The following UPF2 variants were observed in gnomAD, a reference collection of about 807,000 sequenced individuals.
The protein encoded by UPF2 is regulator of nonsense transcripts 2.
Under a neutral mutation model 141.4 loss-of-function variants are expected in UPF2, and 17 were observed. The observed-to-expected ratio is 0.12, with a 90% CI of 0.08 to 0.18. The LOEUF (loss-of-function observed/expected upper bound fraction) is 0.18, where lower values mean the gene tolerates loss of function less well. Ranked by LOEUF, UPF2 falls within the 10% of genes least tolerant of loss-of-function variation. The pLI, the probability that UPF2 is intolerant of heterozygous loss-of-function variation, is 1.00. For missense variants in UPF2, 1,152 were observed against 1,515.9 expected (o/e 0.76, Z 3.99); for synonymous variants, 540 against 498.0 (o/e 1.08, Z -1.12).
rs1290371770 is a variant in UPF2 at position 11,992,689 on chromosome 10, T to C, written c.1844+4983A>G. ...GCCAATCATAAATAGCCTAAATTAC[T>C]TTCATTAAAAGAAACATACTTTCAG... On this transcript the variant is annotated intron_variant, in intron 8 of 21. Coordinates refer to ENST00000357604, the MANE Select transcript of UPF2 (RefSeq NM_015542.4). The surrounding 1 kb of genome is among the most constrained non-coding windows in gnomAD (Gnocchi z 4.1). Among the ~76,000 whole-genome samples the C allele has an allele frequency of 6.6e-6, 1 of 152,118 alleles. No homozygotes were observed. Among genetic ancestry groups the C allele is most frequent in the African/African-American group, 2.4e-5 (1 of 41,434 alleles).
chr10:11,945,874 T>C (rs113907441), intron 16 of UPF2, among the ~76,000 whole-genome samples: 14 of 152,266 alleles, frequency 9.2e-5, no homozygotes, highest in African/African-American at 3.1e-4. Context: ...GAAATGGAAA[T>C]AGTTTCTCAT....
intron 21 of UPF2, among the ~76,000 whole-genome samples, chr10:11,926,329 G>C (rs568318753): frequency 1.3e-5 from 2 of 152,308 alleles, no homozygotes; most frequent in South Asian, 4.1e-4. Context: ...GAGTCACAGT[G>C]GGGTGGAAAG....
chr10:11,926,524 C>T (rs145979095), intron 21 of UPF2, among the ~76,000 whole-genome samples: 1 of 152,150 alleles, frequency 6.6e-6, no homozygotes, highest in African/African-American at 2.4e-5. Flanking sequence ...CCACAGTGAT[C>T]GCGGGAAGGG....
chr10:11,994,621 T>C (rs1467190477), intron 8 of UPF2, among the ~76,000 whole-genome samples: 1 of 152,144 alleles, frequency 6.6e-6, no homozygotes, highest in Admixed American at 6.5e-5. Context: ...ATCAAATATT[T>C]TAAGCTTGGA....
chr10:12,017,740 C>T (rs1588572146), intron 3 of UPF2, among the ~76,000 whole-genome samples: 1 of 152,088 alleles, frequency 6.6e-6, no homozygotes, highest in East Asian at 1.9e-4. Context: ...CCTTTTACTC[C>T]CATTTTTTTA....
intron 1 of UPF2, among the ~76,000 whole-genome samples, chr10:12,038,390 A>T (rs921535837): frequency 3.3e-4 from 49 of 150,356 alleles, no homozygotes; most frequent in Non-Finnish European, 6.1e-4. Context: ...ACACACACAC[A>T]CACACACACA....
intron 8 of UPF2, among the ~76,000 whole-genome samples, chr10:11,997,310 C>G (rs1167551122): frequency 2.0e-5 from 3 of 152,038 alleles, no homozygotes; most frequent in African/African-American, 7.2e-5. Flanking sequence ...AAATATATTA[C>G]ATTACCCTCA....
chr10:11,948,615 C>A, intron 15 of UPF2, 107 bp from the exon 16 acceptor site: 2 of 1,252,722 alleles, frequency 1.6e-6, no homozygotes, highest in Non-Finnish European at 2.2e-6. Flanking sequence ...ATTCAACAGC[C>A]ATTTTCTCAG....
Position 11,936,530 on chromosome 10 carries a change from C to G in UPF2, c.3546+15G>C, listed in dbSNP as rs758779534. 6.3e-7 allele frequency: 1 copy of G among 1,583,904 alleles called. No individual in the cohort carries two copies. The highest frequency in any genetic ancestry group is 8.6e-7 in the Non-Finnish European group (1 of 1,165,636). On this transcript the variant is annotated intron_variant, in intron 19 of 21. Transcript: ENST00000357604. This position sits in a 1 kb window ranked among gnomAD's most constrained non-coding sequence, Gnocchi z 6.6. Reference sequence around the variant, plus strand: ...CTCACAATCAGCTATAATTACAGGGCGGGCAGTTTCTTACCTGCTGTTTAT... The same window carrying G: ...CTCACAATCAGCTATAATTACAGGGGGGGCAGTTTCTTACCTGCTGTTTAT...
intron 12 of UPF2, among the ~76,000 whole-genome samples, chr10:11,958,205 T>A (rs567574820): frequency 4.6e-5 from 7 of 152,294 alleles, no homozygotes; most frequent in African/African-American, 1.7e-4. Context: ...TAAATTTTTT[T>A]AAAAAGTTAG....
Position 11,959,349 on chromosome 10 carries a change from A to G in UPF2, c.2192T>C (p.Met731Thr). Residue 731 changes from methionine (M) to threonine (T), a missense_variant, in exon 12 of 22, where the codon ATG becomes ACG. Around this residue, in one of 4 missense-constraint regions of UPF2, gnomAD observed 739 missense variants for 1,032.2 expected, o/e 0.72. Coordinates refer to ENST00000357604, the MANE Select transcript of UPF2 (RefSeq NM_015542.4). The surrounding 1 kb of genome is among the most constrained non-coding windows in gnomAD (Gnocchi z 5.9). The part of the protein sequence containing the change: ...HLRTSVLLEQ[M>T]MRKKQAMHLD... The stretch of plus-strand genomic sequence containing the variant: ...ATGCATTGCTTGCTTCTTTCTCATC[A>G]TTTGCTCCTGAAATAAAAAGTCCAA... 6.4e-7 allele frequency: 1 copy of G among 1,560,272 alleles called. No homozygotes were observed.
chr10:12,013,491 T>C (rs181607695), intron 4 of UPF2, among the ~76,000 whole-genome samples: 2 of 152,174 alleles, frequency 1.3e-5, no homozygotes, highest in African/African-American at 4.8e-5. Flanking sequence ...GTCAGGCTGG[T>C]CTTGAACTCC....
At chr10:11,943,897 G>A (rs965248491) in intron 16 of UPF2, among the ~76,000 whole-genome samples, 4 of 151,144 alleles carry the variant, frequency 2.6e-5, no homozygotes, top group Non-Finnish European at 2.9e-5. Context: ...GCAGAGCACC[G>A]AGAGATTTTC....
chr10:11,970,661 A>T (rs1833401075), intron 9 of UPF2, among the ~76,000 whole-genome samples: 1 of 152,034 alleles, frequency 6.6e-6, no homozygotes, highest in Admixed American at 6.6e-5. Context: ...AAAATACAAA[A>T]ATTAGCTGGG....
chr10:12,005,931 G>A (rs566106110), intron 4 of UPF2, among the ~76,000 whole-genome samples: 88 of 152,018 alleles, frequency 5.8e-4, no homozygotes, highest in African/African-American at 1.9e-3. Context: ...CAAGGCTGGC[G>A]TGCAGTGACA....
chr10:11,927,846 T>C (rs917607931), intron 21 of UPF2, among the ~76,000 whole-genome samples: 7 of 152,190 alleles, frequency 4.6e-5, no homozygotes, highest in Non-Finnish European at 8.8e-5. Context: ...CACATGAATA[T>C]GTTCAGTGAT....
At chr10:11,944,509 A>C (rs1832977434) in intron 16 of UPF2, among the ~76,000 whole-genome samples, 4 of 152,238 alleles carry the variant, frequency 2.6e-5, no homozygotes, top group African/African-American at 9.6e-5. Context: ...AAAAAGAAAA[A>C]TGTACACCAA....
chr10:11,974,415 C>T (rs910466706), intron 9 of UPF2, among the ~76,000 whole-genome samples: 1 of 152,122 alleles, frequency 6.6e-6, no homozygotes, highest in Non-Finnish European at 1.5e-5. Context: ...CAACACTATG[C>T]TGAATAGGAG....
chr10:11,985,631 A>C (rs1833676879), intron 8 of UPF2, among the ~76,000 whole-genome samples: 1 of 150,636 alleles, frequency 6.6e-6, no homozygotes, highest in African/African-American at 2.4e-5. Context: ...CAAAAAAAAA[A>C]AAAAACAAAC....
Sources: allele counts gnomAD v4.1 joint callset (sites outside exome capture counted in the v4.1 genomes callset), GRCh38; gene constraint gnomAD v4.1.1; regional missense constraint gnomAD v4.1.1; non-coding constraint Gnocchi (gnomAD v3.1); transcripts MANE v1.5; gene names NCBI Gene and HGNC (gene_info 2026-07-23, HGNC 2026-07-21).